KATNAL2: variants seen among roughly 807,000 people sequenced by gnomAD.
KATNAL2 encodes katanin p60 ATPase-containing subunit A-like 2.
In KATNAL2, 52 loss-of-function variants were observed where a neutral mutation model predicts 76.3. That is an observed-to-expected ratio of 0.68 (90% CI 0.55 to 0.86). KATNAL2 has a LOEUF of 0.86. Among genes scored for constraint, KATNAL2 ranks in the 40% least tolerant of loss-of-function variants. The pLI is 0.00. For synonymous variants in KATNAL2, 243 were observed against 244.2 expected (o/e 1.00, Z 0.05); for missense variants, 660 against 668.9 (o/e 0.99, Z 0.15).
At chr18:46,960,443 G>T (rs1725890495) in intron 3 of KATNAL2, among the ~76,000 whole-genome samples, 2 of 142,930 alleles carry the variant, frequency 1.4e-5, no homozygotes, top group African/African-American at 2.6e-5. Context: ...AAAAAAAAAT[G>T]AACAGCAGTT....
intron 15 of KATNAL2, among the ~76,000 whole-genome samples, chr18:47,090,113 C>CTT (rs941512813): frequency 2.0e-5 from 3 of 148,224 alleles, no homozygotes; most frequent in Non-Finnish European, 4.5e-5. Flanking sequence ...AGTATTTCTT[C>CTT]TTTTTTTTTT....
In KATNAL2 at chr18:47,101,086, A is replaced by G; in HGVS notation, c.*81A>G. On this transcript the variant is annotated 3_prime_UTR_variant, in exon 18 of 18. Coordinates refer to ENST00000683218, the MANE Select transcript of KATNAL2 (RefSeq NM_001387690.1). ...TTAATGTCCGTGGGAGAACAAAATGATTGGAATGGAAAAGAGAAAATTATT... is the reference window on the plus strand; with the variant it reads ...TTAATGTCCGTGGGAGAACAAAATGGTTGGAATGGAAAAGAGAAAATTATT... The G allele has an allele frequency of 6.7e-7, 1 of 1,496,168 alleles. No individual in the cohort carries two copies. Among genetic ancestry groups the G allele is most frequent in the Non-Finnish European group, 9.2e-7 (1 of 1,085,644 alleles). 92.7% of individuals were successfully genotyped at this position (1,496,168 alleles called of 1,614,324 possible). A position where few individuals can be genotyped will look rare whatever the true frequency, so the allele number is the denominator to read the frequency against.
At chr18:47,088,887 A>G (rs1042852023) in intron 15 of KATNAL2, among the ~76,000 whole-genome samples, 4 of 152,228 alleles carry the variant, frequency 2.6e-5, no homozygotes, top group Non-Finnish European at 1.5e-5. Context: ...GACCATGCCA[A>G]TAAGAGGAGA....
intron 3 of KATNAL2, among the ~76,000 whole-genome samples, chr18:46,948,946 G>C (rs1209639189): frequency 6.6e-6 from 1 of 151,300 alleles, no homozygotes; most frequent in Non-Finnish European, 1.5e-5. Context: ...CTGTCATTCA[G>C]GCTGGAGTGC....
chr18:47,056,911 CT>C (rs2061487088), intron 6 of KATNAL2, among the ~76,000 whole-genome samples: 1 of 151,972 alleles, frequency 6.6e-6, no homozygotes, highest in Non-Finnish European at 1.5e-5. Context: ...TTGTAAAATG[CT>C]TGGTTTTCAT....
chr18:47,058,920 G>A (rs1451454685), intron 7 of KATNAL2, among the ~76,000 whole-genome samples: 1 of 152,124 alleles, frequency 6.6e-6, no homozygotes, highest in Non-Finnish European at 1.5e-5. Flanking sequence ...GGTGAGAGAA[G>A]TCAATGGCTC....
intron 10 of KATNAL2, among the ~76,000 whole-genome samples, chr18:47,065,596 G>T (rs1328843311): frequency 6.6e-6 from 1 of 152,082 alleles, no homozygotes; most frequent in Non-Finnish European, 1.5e-5. Context: ...TTGAACCTGG[G>T]AGGCGGAGGT....
intron 1 of KATNAL2, among the ~76,000 whole-genome samples, chr18:46,941,913 A>T (rs1159199456): frequency 1.3e-5 from 2 of 152,108 alleles, no homozygotes; most frequent in Admixed American, 6.6e-5. Flanking sequence ...GCACACTTGG[A>T]CAGGGGAGGG....
At chr18:47,036,002 C>T (rs2060758447) in intron 3 of KATNAL2, among the ~76,000 whole-genome samples, 1 of 152,228 alleles carries the variant, frequency 6.6e-6, no homozygotes, top group African/African-American at 2.4e-5. Flanking sequence ...TTAACATCTG[C>T]TCCATCAATT....
At position 46,946,814 on chromosome 18, in the gene KATNAL2, C is replaced by T; in HGVS notation, c.-19-40C>T. On this transcript the variant is annotated intron_variant, in intron 2 of 17. Transcript: ENST00000683218. ...TAAGCGTCAGGTTCCTTGGATCGACCGGTCAGCCCAGTAACTGACTACTTT... is the reference window on the plus strand; with the variant it reads ...TAAGCGTCAGGTTCCTTGGATCGACTGGTCAGCCCAGTAACTGACTACTTT... The T allele has an allele frequency of 2.7e-6, 4 of 1,504,908 alleles. No homozygotes were observed. In the South Asian group the frequency reaches 3.6e-5, roughly 14 times the overall value. 93.2% of individuals were successfully genotyped at this position (1,504,908 alleles called of 1,614,324 possible). A position where few individuals can be genotyped will look rare whatever the true frequency, so the allele number is the denominator to read the frequency against.
chr18:46,920,120 G>T (rs980143336), intron 1 of KATNAL2: 34 of 1,286,918 alleles, frequency 2.6e-5, no homozygotes, highest in Non-Finnish European at 3.4e-5. Flanking sequence ...ATGTGTAGCA[G>T]CTCCTGGATG....
chr18:47,035,183 C>T (rs763317457), intron 3 of KATNAL2: 2 of 1,612,466 alleles, frequency 1.2e-6, no homozygotes, highest in South Asian at 1.1e-5. Flanking sequence ...AAATATTTCT[C>T]TAGCTTTTTC....
chr18:47,083,926 TG>T (rs2062646733), intron 15 of KATNAL2, among the ~76,000 whole-genome samples: 1 of 152,208 alleles, frequency 6.6e-6, no homozygotes, highest in Non-Finnish European at 1.5e-5. Flanking sequence ...CTGAAATTCA[TG>T]TTTTCCTTGC....
intron 1 of KATNAL2, among the ~76,000 whole-genome samples, chr18:46,921,996 A>G (rs1057330259): frequency 1.3e-5 from 2 of 151,796 alleles, no homozygotes; most frequent in African/African-American, 2.4e-5. Flanking sequence ...TTTATATCAC[A>G]TTTCCTAACT....
intron 15 of KATNAL2, 200 bp downstream of exon 15, chr18:47,077,661 G>T: frequency 2.1e-6 from 1 of 474,844 alleles, no homozygotes. Context: ...GGAAACACAG[G>T]CCAGGGTGAC....
At chr18:47,099,212 C>T in intron 15 of KATNAL2, 31 bp from the exon 16 acceptor site, 2 of 1,582,356 alleles carry the variant, frequency 1.3e-6, no homozygotes, top group Non-Finnish European at 1.7e-6. Context: ...GTTTGCAGCC[C>T]TGTCCAGCTC....
chr18:47,050,014 G>C (rs114159403), intron 4 of KATNAL2, among the ~76,000 whole-genome samples: 1 of 152,048 alleles, frequency 6.6e-6, no homozygotes, highest in Admixed American at 6.6e-5. Flanking sequence ...CTGCAGGTGC[G>C]TGCCGCCATG....
At chr18:46,944,421 C>T (rs1013258256) in intron 1 of KATNAL2, among the ~76,000 whole-genome samples, 1 of 152,176 alleles carries the variant, frequency 6.6e-6, no homozygotes, top group Middle Eastern at 3.4e-3. Context: ...TTATAGCAAT[C>T]TAGAGATGTT....
chr18:47,082,937 C>G (rs1045142525), intron 15 of KATNAL2, among the ~76,000 whole-genome samples: 1 of 152,174 alleles, frequency 6.6e-6, no homozygotes, highest in Non-Finnish European at 1.5e-5. Flanking sequence ...ACAGCAAGAA[C>G]ATTTCCAATG....
Sources: gnomAD v4.1 joint callset for allele counts (sites outside exome capture counted in the v4.1 genomes callset) on GRCh38, gnomAD v4.1.1 for gene constraint, MANE v1.5 for transcripts, NCBI Gene and HGNC (gene_info 2026-07-23, HGNC 2026-07-21) for gene names.